RAPGEF1: variants seen among roughly 807,000 people sequenced by gnomAD.
RAPGEF1 encodes the protein CRK SH3-binding GNRP.
A neutral mutation model predicts 143.3 loss-of-function variants in RAPGEF1; 33 were observed. The observed-to-expected ratio is 0.23, with a 90% CI of 0.17 to 0.31. The LOEUF (loss-of-function observed/expected upper bound fraction) is 0.31. Among genes scored for constraint, RAPGEF1 ranks in the 10% least tolerant of loss-of-function variants. The pLI, the probability that RAPGEF1 is intolerant of heterozygous loss-of-function variation, is 1.00. For missense variants in RAPGEF1, 1,199 were observed against 1,645.4 expected (o/e 0.73, Z 4.69); for synonymous variants, 629 against 676.5 (o/e 0.93, Z 1.09).
chr9:131,627,827 C>A, intron 9 of RAPGEF1, 86 bp downstream of exon 9: 1 of 1,393,166 alleles, frequency 7.2e-7, no homozygotes. Flanking sequence ...TCAATGATTG[C>A]ATGACCTGGG....
At chr9:131,599,420 C>CTT (rs71374115) in intron 15 of RAPGEF1, among the ~76,000 whole-genome samples, 2 of 131,458 alleles carry the variant, frequency 1.5e-5, no homozygotes, top group African/African-American at 2.8e-5. Context: ...CGTGCCCAGT[C>CTT]TTTTTTTTTT....
chr9:131,739,861 A>T lies in RAPGEF1; in HGVS notation c.-31T>A. On this transcript the variant is annotated 5_prime_UTR_variant, in exon 1 of 27. Coordinates refer to ENST00000683357, the MANE Select transcript of RAPGEF1 (RefSeq NM_001377935.1). ...CCGGGCCGGGCCGCCGCGGGGCGAC[A>T]GGGGCGGCGCGCCCGCCGCTCGCCT... is the stretch of plus-strand genomic sequence containing the variant. 1.0e-6 allele frequency: 1 copy of T among 996,392 alleles called. No individual in the cohort carries two copies. The highest frequency in any genetic ancestry group is 1.2e-6 in the Non-Finnish European group (1 of 840,298). The allele number at this position is 996,392 out of a possible 1,614,324, so 61.7% of individuals were successfully genotyped here.
At position 131,604,010 on chromosome 9, in the gene RAPGEF1, T is replaced by C. The variant is rs1402231463; in HGVS notation, c.2363A>G (p.Asn788Ser). The C allele has an allele frequency of 1.3e-5, 18 of 1,341,890 alleles. No individual in the cohort carries two copies. The highest frequency in any genetic ancestry group is 1.7e-5 in the Non-Finnish European group (17 of 1,008,228). The allele number at this position is 1,341,890 out of a possible 1,614,324, so 83.1% of individuals were successfully genotyped here. A position where few individuals can be genotyped will look rare whatever the true frequency, so the allele number is the denominator to read the frequency against. Reference protein sequence around the residue: ...SEEAGEGEYVNLYSSGQSSEE... With the variant: ...SEEAGEGEYVSLYSSGQSSEE... ...GCTGCTCTGGCCAGAGGAATACAGA[T>C]TGACATATTCACCCTCACCAGCTTC... is the stretch of plus-strand genomic sequence containing the variant. Residue 788 changes from asparagine to serine, a missense_variant, in exon 14 of 27, where the codon AAT becomes AGT. Asn to Ser is a conservative substitution (Grantham distance 46). Around this residue, in one of 6 missense-constraint regions of RAPGEF1, gnomAD observed 293 missense variants for 356.2 expected, o/e 0.82. Coordinates refer to ENST00000683357, the MANE Select transcript of RAPGEF1 (RefSeq NM_001377935.1).
chr9:131,603,419 G>A (rs143562570), intron 14 of RAPGEF1, among the ~76,000 whole-genome samples: 9 of 152,344 alleles, frequency 5.9e-5, no homozygotes, highest in Admixed American at 1.3e-4. Flanking sequence ...TCACGAGGGT[G>A]CTGACGTCGG....
intron 1 of RAPGEF1, among the ~76,000 whole-genome samples, chr9:131,710,404 G>GA (rs1486693960): frequency 6.6e-6 from 1 of 152,210 alleles, no homozygotes; most frequent in Non-Finnish European, 1.5e-5. Flanking sequence ...TTTTGCTGGA[G>GA]AAAGTGCTAC....
rs139322687 is a variant in RAPGEF1 at position 131,593,151 on chromosome 9, G to A, written c.2690-968C>T. On this transcript the variant is annotated intron_variant, in intron 17 of 26. Transcript: ENST00000683357. The stretch of plus-strand genomic sequence containing the variant: ...CGGCTTGGGCCGGGTACCAAGGAGA[G>A]GCATGGTGCCAGCCACTGGGCAGGT... Among the ~76,000 whole-genome samples, 42 of 152,370 alleles carry A rather than the reference G, an allele frequency of 2.8e-4. No individual in the cohort carries two copies. In the East Asian group the frequency reaches 2.9e-3, roughly 10 times the overall value.
At chr9:131,701,895 A>T (rs1465566499) in intron 1 of RAPGEF1, among the ~76,000 whole-genome samples, 1 of 152,220 alleles carries the variant, frequency 6.6e-6, no homozygotes, top group Non-Finnish European at 1.5e-5. Context: ...TTCCAAAGTC[A>T]TGTTAAATAA....
intron 1 of RAPGEF1, among the ~76,000 whole-genome samples, chr9:131,698,552 AGCTTG>A (rs1429794465): frequency 6.6e-6 from 1 of 152,238 alleles, no homozygotes; most frequent in Non-Finnish European, 1.5e-5. Flanking sequence ...TCATACCCAC[AGCTTG>A]GCAAGATGAC....
At chr9:131,602,211 C>T in intron 14 of RAPGEF1, 62 bp from the exon 15 acceptor site, 1 of 1,257,710 alleles carries the variant, frequency 8.0e-7, no homozygotes, top group African/African-American at 1.5e-5. Context: ...GCTCTGTCTT[C>T]CCAGCATTCC....
At chr9:131,598,677 T>A (rs955146974) in intron 15 of RAPGEF1, 4 of 414,452 alleles carry the variant, frequency 9.7e-6, no homozygotes, top group Non-Finnish European at 1.4e-5. Context: ...GAAAGCTGCA[T>A]TGCTCTTGAG....
chr9:131,604,478 G>A (rs563048428), intron 13 of RAPGEF1, among the ~76,000 whole-genome samples: 1 of 152,360 alleles, frequency 6.6e-6, no homozygotes, highest in East Asian at 1.9e-4. Flanking sequence ...ACAGGCTAGA[G>A]ACCAGGCTTC....
chr9:131,590,309 G>A (rs1414051983), intron 18 of RAPGEF1, among the ~76,000 whole-genome samples: 1 of 152,142 alleles, frequency 6.6e-6, no homozygotes, highest in African/African-American at 2.4e-5. Flanking sequence ...GTGCCTTGCT[G>A]AACTTTAGGT....
intron 19 of RAPGEF1, among the ~76,000 whole-genome samples, 168 bp downstream of exon 19, chr9:131,589,718 A>AC (rs1953865101): frequency 6.6e-6 from 1 of 152,000 alleles, no homozygotes; most frequent in Admixed American, 6.5e-5. Flanking sequence ...GTGGAGAGAC[A>AC]CCTCACCCAT....
At chr9:131,654,654 C>T (rs953388281) in intron 1 of RAPGEF1, among the ~76,000 whole-genome samples, 6 of 152,280 alleles carry the variant, frequency 3.9e-5, no homozygotes, top group East Asian at 3.9e-4. Flanking sequence ...GTGAGCACTG[C>T]GCTCCAGCCT....
chr9:131,604,813 TA>T, intron 13 of RAPGEF1, 117 bp downstream of exon 13: 1 of 1,187,820 alleles, frequency 8.4e-7, no homozygotes, highest in Non-Finnish European at 1.1e-6. Context: ...CCCCAACTGC[TA>T]GTAAAGGGGA....
chr9:131,654,290 A>T (rs1015271984), intron 1 of RAPGEF1, among the ~76,000 whole-genome samples: 1 of 152,366 alleles, frequency 6.6e-6, no homozygotes. Flanking sequence ...TGTGAATTAT[A>T]TATCAATAAA....
At chr9:131,630,595 C>A (rs1277387660) in intron 5 of RAPGEF1, among the ~76,000 whole-genome samples, 1 of 152,210 alleles carries the variant, frequency 6.6e-6, no homozygotes, top group African/African-American at 2.4e-5. Flanking sequence ...AAACCCCAGC[C>A]TCTCAAAATG....
chr9:131,710,268 C>T, intron 1 of RAPGEF1, among the ~76,000 whole-genome samples: 1 of 152,060 alleles, frequency 6.6e-6, no homozygotes, highest in East Asian at 1.9e-4. Context: ...AAGGGAAACA[C>T]AAAACGAAAC....
chr9:131,666,037 A>C (rs1830373369), intron 1 of RAPGEF1, among the ~76,000 whole-genome samples: 1 of 152,262 alleles, frequency 6.6e-6, no homozygotes, highest in African/African-American at 2.4e-5. Context: ...CTTGTTAGCA[A>C]ACACGCAGAT....
Sources: allele counts gnomAD v4.1 joint callset (sites outside exome capture counted in the v4.1 genomes callset), GRCh38; gene constraint gnomAD v4.1.1; regional missense constraint gnomAD v4.1.1; transcripts MANE v1.5; gene names NCBI Gene and HGNC (gene_info 2026-07-23, HGNC 2026-07-21).